The following SDCBP variants were observed in gnomAD, a reference collection of about 807,000 sequenced individuals.
SDCBP encodes syndecan binding protein, also known as syntenin-1.
SDCBP carries 22 observed loss-of-function variants against 30.5 expected under a neutral mutation model. The ratio of observed to expected loss-of-function variants is 0.72; its 90% confidence interval spans 0.52 to 1.03. The LOEUF is 1.03. Among genes scored for constraint, SDCBP ranks in the 50% least tolerant of loss-of-function variants. SDCBP has a pLI of 0.00. For missense variants in SDCBP, 304 were observed against 369.9 expected, an observed-to-expected ratio of 0.82 and a Z score of 1.46; for synonymous variants, 103 against 118.7, an observed-to-expected ratio of 0.87 and a Z score of 0.86.
At chr8:58,567,284 ATTC>A (rs1804752385) in intron 2 of SDCBP, among the ~76,000 whole-genome samples, 1 of 152,244 alleles carries the variant, frequency 6.6e-6, no homozygotes, top group Non-Finnish European at 1.5e-5. Flanking sequence ...TTCTATATGT[ATTC>A]TTCAGTATTC....
intron 4 of SDCBP, among the ~76,000 whole-genome samples, chr8:58,574,590 T>C (rs1805219461): frequency 6.6e-6 from 1 of 152,222 alleles, no homozygotes; most frequent in South Asian, 2.1e-4. Flanking sequence ...CTATTTTAAA[T>C]TAATTTGTTG....
chr8:58,568,434 C>A (rs1208242423), intron 2 of SDCBP, among the ~76,000 whole-genome samples: 1 of 152,096 alleles, frequency 6.6e-6, no homozygotes, highest in African/African-American at 2.4e-5. Context: ...TGGAATACCT[C>A]CTGAAGGACC....
chr8:58,560,099 C>G (rs1414000186), intron 1 of SDCBP, among the ~76,000 whole-genome samples: 1 of 152,138 alleles, frequency 6.6e-6, no homozygotes, highest in Non-Finnish European at 1.5e-5. Flanking sequence ...TTAGCAGGCA[C>G]TCACCATGGT....
chr8:58,571,025 C>T (rs1381246819), intron 3 of SDCBP, 60 bp downstream of exon 3: 1 of 1,286,716 alleles, frequency 7.8e-7, no homozygotes, highest in Non-Finnish European at 1.1e-6. Context: ...TTCTTTTGCT[C>T]ATATAAGGAA....
Position 58,572,240 on chromosome 8 carries a change from T to C in SDCBP, c.166T>C (p.Tyr56His), listed in dbSNP as rs1457275304. Residue 56 changes from tyrosine to histidine, a missense_variant, in exon 4 of 9, where the codon TAC (tyrosine) becomes CAC (histidine). Coordinates refer to ENST00000260130, the MANE Select transcript of SDCBP (RefSeq NM_005625.4). Reference protein sequence around the residue: ...YPRLYPELSQYMGLSLNEEEI... With the variant: ...YPRLYPELSQHMGLSLNEEEI... ...CAGACTGTATCCAGAGCTCTCTCAA[T>C]ACATGGGGCTGAGTTTAAATGAAGA... The C allele has an allele frequency of 6.2e-7, 1 of 1,611,600 alleles. No homozygotes were observed. The highest frequency in any genetic ancestry group is 1.1e-5 in the South Asian group (1 of 90,986).
intron 1 of SDCBP, among the ~76,000 whole-genome samples, chr8:58,562,464 C>G (rs901453486): frequency 1.3e-5 from 2 of 152,040 alleles, no homozygotes; most frequent in African/African-American, 4.8e-5. Context: ...GTACAGTACT[C>G]AAGAATGTGT....
intron 5 of SDCBP, among the ~76,000 whole-genome samples, chr8:58,576,684 A>G (rs1487899094): frequency 6.6e-6 from 1 of 152,174 alleles, no homozygotes; most frequent in Non-Finnish European, 1.5e-5. Context: ...TCTCACCTTA[A>G]CATACTGAAG....
At chr8:58,561,671 C>G in intron 1 of SDCBP, 2 of 597,978 alleles carry the variant, frequency 3.3e-6, no homozygotes, top group South Asian at 4.0e-5. Flanking sequence ...TTCATCACCA[C>G]TATATCTGAC....
rs373019053 is a variant in SDCBP at position 58,578,016 on chromosome 8, A to G, written c.403-17A>G. 2.1e-5 allele frequency: 34 copies of G among 1,600,148 alleles called. No homozygotes were observed. In the South Asian group the frequency reaches 3.3e-4, roughly 16 times the overall value. ...ATAGTAGTGGTAAATGACAAAAATT[A>G]TTTTCTTATTATCTAGGGTATATTT... is the stretch of plus-strand genomic sequence containing the variant. On this transcript the variant is annotated splice_polypyrimidine_tract_variant and intron_variant, in intron 5 of 8. Coordinates refer to ENST00000260130, the MANE Select transcript of SDCBP (RefSeq NM_005625.4).
At chr8:58,569,805 T>A (rs1322252398) in intron 2 of SDCBP, among the ~76,000 whole-genome samples, 6 of 152,206 alleles carry the variant, frequency 3.9e-5, no homozygotes, top group African/African-American at 1.4e-4. Context: ...TTATAAAGAT[T>A]TTCATGCTGT....
At chr8:58,579,909 G>A in intron 7 of SDCBP, 115 bp downstream of exon 7, 1 of 952,292 alleles carries the variant, frequency 1.1e-6, no homozygotes, top group South Asian at 1.9e-5. Context: ...GGGGAACGTG[G>A]GGCCTGAACT....
rs772397827 is a variant in SDCBP, at chr8:58,580,499, AAT to A, written c.751-15_751-14del. 17 of 1,289,406 alleles carry A rather than the reference AAT, an allele frequency of 1.3e-5. No homozygotes were observed. Among genetic ancestry groups the A allele is most frequent in the Non-Finnish European group, 1.9e-5 (17 of 888,580 alleles). 79.9% of individuals were successfully genotyped at this position (1,289,406 alleles called of 1,614,324 possible). A position where few individuals can be genotyped will look rare whatever the true frequency, so the allele number is the denominator to read the frequency against. On this transcript the variant is annotated splice_polypyrimidine_tract_variant and intron_variant, in intron 7 of 8. Transcript: ENST00000260130. ...TAAAGCCTCTGTGGAATTAATTTTT[AAT>A]ATGTGTTTTTATCAGGACTCTCAAA... is the stretch of plus-strand genomic sequence containing the variant.
chr8:58,557,610 T>G (rs58276148), intron 1 of SDCBP, among the ~76,000 whole-genome samples: 10,109 of 151,706 alleles, frequency 0.067, 856 homozygotes, highest in East Asian at 0.26. Context: ...TTCTGAGGCC[T>G]GAGATACATT....
chr8:58,557,224 C>A (rs1804178561), intron 1 of SDCBP, among the ~76,000 whole-genome samples: 1 of 118,608 alleles, frequency 8.4e-6, no homozygotes, highest in African/African-American at 3.4e-5. Context: ...TTTATATATT[C>A]CAGGAAAATG....
chr8:58,570,938 G>T lies in SDCBP; in HGVS notation c.103G>T (p.Ala35Ser). The change falls in exon 3 of 9, where the codon GCT becomes TCT. Residue 35 changes from alanine to serine, a missense_variant. Transcript: ENST00000260130. Reference protein sequence around the residue: ...NPANPAILSEASAPIPHDGNL... With the variant: ...NPANPAILSESSAPIPHDGNL... ...TGCCAATCCAGCAATTTTGTCAGAA[G>T]CTTCTGCTCCTATCCCTCACGATGG... 8 of 1,613,104 alleles carry T rather than the reference G, an allele frequency of 5.0e-6. No homozygotes were observed. Among genetic ancestry groups the T allele is most frequent in the Non-Finnish European group, 5.1e-6 (6 of 1,179,314 alleles).
At chr8:58,568,758 A>G (rs942208131) in intron 2 of SDCBP, among the ~76,000 whole-genome samples, 1 of 152,234 alleles carries the variant, frequency 6.6e-6, no homozygotes, top group African/African-American at 2.4e-5. Context: ...ATCATTGACC[A>G]GAACAGGCAG....
At position 58,553,555 on chromosome 8, in the gene SDCBP, CGGGCTGGGGCTG is replaced by C. The variant is rs569760705; in HGVS notation, c.-16+278_-16+289del. Among the ~76,000 whole-genome samples, 45 of 147,726 alleles carry C rather than the reference CGGGCTGGGGCTG, an allele frequency of 3.0e-4. 1 individual carries two copies. The highest frequency in any genetic ancestry group is 9.3e-4 in the South Asian group (4 of 4,284). On this transcript the variant is annotated intron_variant, in intron 1 of 8. Coordinates refer to ENST00000260130, the MANE Select transcript of SDCBP (RefSeq NM_005625.4). The stretch of plus-strand genomic sequence containing the variant: ...ACCCCGCGCGTTTCGGGTTCCTGCC[CGGGCTGGGGCTG>C]GGGCTGGGGCTGGGGCTGGGGCTGG...
chr8:58,563,473 G>C (rs1365336660), intron 1 of SDCBP, among the ~76,000 whole-genome samples: 1 of 152,074 alleles, frequency 6.6e-6, no homozygotes, highest in East Asian at 1.9e-4. Flanking sequence ...AATATTCAAA[G>C]ATAGGTAGTG....
intron 5 of SDCBP, among the ~76,000 whole-genome samples, chr8:58,576,841 A>G (rs557900634): frequency 6.6e-6 from 1 of 152,310 alleles, no homozygotes; most frequent in African/African-American, 2.4e-5. Context: ...GCCTTTCCAC[A>G]TAGAAAATTA....
Sources: allele counts gnomAD v4.1 joint callset (sites outside exome capture counted in the v4.1 genomes callset), GRCh38; gene constraint gnomAD v4.1.1; transcripts MANE v1.5; gene names NCBI Gene and HGNC (gene_info 2026-07-23, HGNC 2026-07-21).